Variants in SYN1 observed in about 807,000 individuals in gnomAD.
SYN1 encodes the protein synapsin-1.
In SYN1, 8 loss-of-function variants were observed where a neutral mutation model predicts 44.6. The ratio of observed to expected loss-of-function variants is 0.18; its 90% CI spans 0.11 to 0.32. The LOEUF (loss-of-function observed/expected upper bound fraction) is 0.32, where lower values mean the gene tolerates loss of function less well. Among genes scored for constraint, SYN1 ranks in the 10% least tolerant of loss-of-function variants. The pLI, the probability that SYN1 is intolerant of heterozygous loss-of-function variation, is 1.00. For synonymous variants in SYN1, 275 were observed against 280.1 expected (o/e 0.98, Z 0.18); for missense variants, 451 against 639.4 (o/e 0.71, Z 3.18).
intron 12 of SYN1, 131 bp downstream of exon 12, chrX:47,573,871 G>T: frequency 3.3e-6 from 2 of 602,380 alleles, no homozygotes; most frequent in Non-Finnish European, 4.6e-6. Flanking sequence ...GCTTGGCTCA[G>T]GCTGGAGAGA....
At chrX:47,582,386 C>T (rs2057801773) in intron 5 of SYN1, 1 of 203,360 alleles carries the variant, frequency 4.9e-6, no homozygotes, top group South Asian at 5.3e-5. Context: ...CACCCGCTGC[C>T]ACCCCCGCCC....
chrX:47,572,591 C>T lies in SYN1; in HGVS notation c.*273G>A. 3.1e-6 allele frequency: 1 copy of T among 321,223 alleles called. No individual in the cohort carries two copies. The highest frequency in any genetic ancestry group is 4.9e-5 in the South Asian group (1 of 20,601). 26.5% of individuals were successfully genotyped at this position (321,223 alleles called of 1,213,427 possible). Reference sequence around the variant, plus strand: ...TGGGGAAACCAGGGGCGGAGGTCTTCAGGAATGTGGAGGTTCTAAAACAGA... The same window carrying T: ...TGGGGAAACCAGGGGCGGAGGTCTTTAGGAATGTGGAGGTTCTAAAACAGA... On this transcript the variant is annotated 3_prime_UTR_variant, in exon 13 of 13. Coordinates refer to ENST00000295987, the MANE Select transcript of SYN1 (RefSeq NM_006950.3).
chrX:47,598,775 C>T (rs900367942), intron 5 of SYN1, among the ~76,000 whole-genome samples: 34 of 110,917 alleles, frequency 3.1e-4, no homozygotes, highest in Non-Finnish European at 4.9e-4. Flanking sequence ...TGCAGTGAGC[C>T]GAGATCGTGC....
rs765183335 is a variant in SYN1 at position 47,576,213 on chromosome X, G to T, written c.1076C>A (p.Thr359Lys). ...MSDRYKLWVD[T>K]CSEIFGGLDI... ...CAGTCCCCCAAAAATCTCTGAGCAC[G>T]TGTCCACCCACAGCTTGTATCTGCC... The change falls in exon 9 of 13, where the codon ACG becomes AAG. Residue 359 changes from threonine (T) to lysine (K), a missense_variant. Thr to Lys is a moderately conservative substitution (Grantham distance 78, BLOSUM62 -1). Coordinates refer to ENST00000295987, the MANE Select transcript of SYN1 (RefSeq NM_006950.3). The T allele has an allele frequency of 8.3e-7, 1 of 1,202,969 alleles. No homozygotes were observed. The highest frequency in any genetic ancestry group is 3.0e-5 in the East Asian group (1 of 33,403).
intron 1 of SYN1, among the ~76,000 whole-genome samples, chrX:47,610,503 G>A (rs2057913729): frequency 9.4e-6 from 1 of 106,800 alleles, no homozygotes; most frequent in Non-Finnish European, 1.9e-5. Context: ...AAAAATTAGG[G>A]TGAAATCCTA....
chrX:47,575,108 C>A lies in SYN1; in HGVS notation c.1305+20G>T. The A allele has an allele frequency of 8.4e-7, 1 of 1,183,835 alleles. No homozygotes were observed. The highest frequency in any genetic ancestry group is 3.1e-5 in the East Asian group (1 of 31,933). Reference sequence around the variant, plus strand: ...TCCCCACACTAGCTCAAGCCACTAGCTCAGCGCCAGGGGCCTGACCTGGCC... The same window carrying A: ...TCCCCACACTAGCTCAAGCCACTAGATCAGCGCCAGGGGCCTGACCTGGCC... On this transcript the variant is annotated intron_variant, in intron 10 of 12. Transcript: ENST00000295987.
intron 5 of SYN1, among the ~76,000 whole-genome samples, chrX:47,593,718 CT>C (rs1206403109): frequency 8.9e-6 from 1 of 112,061 alleles, no homozygotes; most frequent in Non-Finnish European, 1.9e-5. Flanking sequence ...GTGAAATCAT[CT>C]GGGCCTGATG....
rs768417720 is a variant in SYN1 at position 47,576,770 on chromosome X, A to T, written c.838-130T>A. The T allele has an allele frequency of 4.9e-5, 41 of 844,409 alleles. No individual in the cohort carries two copies. In the African/African-American group the frequency reaches 7.9e-4, roughly 16 times the overall value. 69.6% of individuals were successfully genotyped at this position (844,409 alleles called of 1,213,427 possible). ...TACACAAAAATTAGGTGGACATGCC[A>T]AGGCGCTCAAGCAGGCACGATCATG... is the stretch of plus-strand genomic sequence containing the variant. On this transcript the variant is annotated intron_variant, in intron 6 of 12. Coordinates refer to ENST00000295987, the MANE Select transcript of SYN1 (RefSeq NM_006950.3).
chrX:47,585,347 C>A, intron 5 of SYN1: 2 of 1,211,290 alleles, frequency 1.7e-6, no homozygotes, highest in Non-Finnish European at 2.2e-6. Flanking sequence ...GCACCGTCCC[C>A]GCGCCCTGTG....
At chrX:47,586,576 G>A (rs374544466) in intron 5 of SYN1, 12 of 1,210,600 alleles carry the variant, frequency 9.9e-6, no homozygotes, top group Admixed American at 2.2e-5. Context: ...CATTGCTTGT[G>A]GACGGACCAG....
At chrX:47,591,477 T>C (rs1219486717) in intron 5 of SYN1, among the ~76,000 whole-genome samples, 2 of 110,712 alleles carry the variant, frequency 1.8e-5, no homozygotes, top group Non-Finnish European at 3.8e-5. Flanking sequence ...TCCCAGCACT[T>C]TGGGAGGCCG....
At position 47,572,386 on chromosome X, in the gene SYN1, C is replaced by G. The variant is rs1199594631; in HGVS notation, c.*478G>C. On this transcript the variant is annotated 3_prime_UTR_variant, in exon 13 of 13. Coordinates refer to ENST00000295987, the MANE Select transcript of SYN1 (RefSeq NM_006950.3). ...TGGATCTTCAGAGGGATGGAAGATCCATGGGAAGGGGCTCAACAGTAGGGG... is the reference window on the plus strand; with the variant it reads ...TGGATCTTCAGAGGGATGGAAGATCGATGGGAAGGGGCTCAACAGTAGGGG... The G allele has an allele frequency of 8.2e-6, 1 of 121,595 alleles. No homozygotes were observed. The highest frequency in any genetic ancestry group is 1.7e-5 in the Non-Finnish European group (1 of 59,257). 10.0% of individuals were successfully genotyped at this position (121,595 alleles called of 1,213,427 possible).
chrX:47,591,528 C>T (rs1465835060), intron 5 of SYN1, among the ~76,000 whole-genome samples: 1 of 110,269 alleles, frequency 9.1e-6, no homozygotes, highest in Non-Finnish European at 1.9e-5. Context: ...CGAGACCAGC[C>T]TGGCCAACAT....
chrX:47,585,207 G>A (rs770619788), intron 5 of SYN1: 2 of 1,184,484 alleles, frequency 1.7e-6, no homozygotes, highest in Middle Eastern at 2.4e-4. Flanking sequence ...ATCAACAGAT[G>A]TATAAAGGGT....
chrX:47,579,849 G>GCCCCC (rs140381513), intron 5 of SYN1, among the ~76,000 whole-genome samples: 20 of 83,154 alleles, frequency 2.4e-4, no homozygotes, highest in South Asian at 7.2e-4. Context: ...TGTTTTTGTC[G>GCCCCC]CCCCCCCACC....
In SYN1 at chrX:47,596,024, TCTC is replaced by T. The variant is rs1349762821; in HGVS notation, c.774+8951_774+8953del. On this transcript the variant is annotated intron_variant, in intron 5 of 12. Coordinates refer to ENST00000295987, the MANE Select transcript of SYN1 (RefSeq NM_006950.3). ...TGAACTTCTCTTGTACACATCCCCTTCTCCTCACCTCCACAAGAGCCTTGAAAA... is the reference window on the plus strand; with the variant it reads ...TGAACTTCTCTTGTACACATCCCCTTCTCACCTCCACAAGAGCCTTGAAAA... Among the ~76,000 whole-genome samples, 3 of 112,018 alleles carry T rather than the reference TCTC, an allele frequency of 2.7e-5. No homozygotes were observed. In the East Asian group the frequency reaches 8.3e-4, roughly 31 times the overall value.
chrX:47,579,158 A>G (rs1482040414), intron 5 of SYN1, among the ~76,000 whole-genome samples: 3 of 110,893 alleles, frequency 2.7e-5, no homozygotes, highest in Non-Finnish European at 5.6e-5. Flanking sequence ...CAATGGACAC[A>G]CAACACACCA....
intron 3 of SYN1, 128 bp from the exon 4 acceptor site, chrX:47,605,507 CAT>C (rs1455816598): frequency 2.9e-5 from 24 of 827,780 alleles, no homozygotes; most frequent in Non-Finnish European, 3.8e-5. Context: ...CCTCTGCACA[CAT>C]GTGTGAGCTG....
Position 47,605,163 on chromosome X carries a change from A to G in SYN1, c.684+60T>C, listed in dbSNP as rs1011715863. On this transcript the variant is annotated intron_variant, in intron 4 of 12. Coordinates refer to ENST00000295987, the MANE Select transcript of SYN1 (RefSeq NM_006950.3). Reference sequence around the variant, plus strand: ...TTCCCCAAATCGCAGACTGGTTTCAAGCTCCCACATACATGCATGAGCTGT... The same window carrying G: ...TTCCCCAAATCGCAGACTGGTTTCAGGCTCCCACATACATGCATGAGCTGT... 5.1e-4 allele frequency: 619 copies of G among 1,202,331 alleles called. 1 individual carries two copies. Among genetic ancestry groups the G allele is most frequent in the Non-Finnish European group, 6.4e-4 (574 of 889,923 alleles).
Sources: allele counts gnomAD v4.1 joint callset (sites outside exome capture counted in the v4.1 genomes callset), GRCh38; gene constraint gnomAD v4.1.1; transcripts MANE v1.5; gene names NCBI Gene and HGNC (gene_info 2026-07-23, HGNC 2026-07-21).